SLC25A48: variants seen among roughly 807,000 people sequenced by gnomAD.
SLC25A48 encodes CTC-321K16.1.
In SLC25A48, 29 loss-of-function variants were observed where a neutral mutation model predicts 32.2. That is an observed-to-expected ratio of 0.90 (90% CI 0.67 to 1.23). The LOEUF (loss-of-function observed/expected upper bound fraction) is 1.23, where lower values mean the gene tolerates loss of function less well. Among genes scored for constraint, SLC25A48 ranks in the 50% most tolerant of loss-of-function variants. SLC25A48 has a pLI of 0.00. For missense variants in SLC25A48, 399 were observed against 422.7 expected (o/e 0.94, Z 0.49); for synonymous variants, 164 against 172.3 (o/e 0.95, Z 0.38).
At chr5:135,871,227 C>T (rs1761618867) in intron 4 of SLC25A48, among the ~76,000 whole-genome samples, 1 of 152,166 alleles carries the variant, frequency 6.6e-6, no homozygotes, top group African/African-American at 2.4e-5. Flanking sequence ...CCTAAAGTAA[C>T]TGGTGTTCTA....
rs370111948 is a variant in SLC25A48, at chr5:135,758,929, CATT to C, written c.-520-53591_-520-53589del. ...CTATAAATAATATTAAGTGTTAACA[CATT>C]ATGATATTAATAGAATATTTATGCT... On this transcript the variant is annotated intron_variant, in intron 3 of 10. Coordinates refer to the SLC25A48 transcript ENST00000646290. 6.7e-3 allele frequency among the ~76,000 whole-genome samples: 1,017 copies of C among 150,970 alleles called. 16 individuals carry two copies. The highest frequency in any genetic ancestry group is 0.024 in the African/African-American group (981 of 41,342).
At chr5:135,724,952 C>A (rs548828642) in intron 3 of SLC25A48, among the ~76,000 whole-genome samples, 1 of 152,368 alleles carries the variant, frequency 6.6e-6, no homozygotes, top group Non-Finnish European at 1.5e-5. Flanking sequence ...CCCAGCCCAG[C>A]CTTGGCTACT....
chr5:135,877,535 T>C (rs1404749714), intron 6 of SLC25A48, among the ~76,000 whole-genome samples: 1 of 152,232 alleles, frequency 6.6e-6, no homozygotes, highest in Non-Finnish European at 1.5e-5. Flanking sequence ...AAAATTCATT[T>C]ATTCATTCAT....
chr5:135,676,847 T>G (rs899705392), intron 3 of SLC25A48, among the ~76,000 whole-genome samples: 3 of 152,068 alleles, frequency 2.0e-5, no homozygotes, highest in Non-Finnish European at 4.4e-5. Context: ...TTTTAAAAAT[T>G]TGTTGAGATT....
intron 3 of SLC25A48, among the ~76,000 whole-genome samples, chr5:135,706,403 G>A (rs4527593): frequency 0.71 from 107,319 of 152,074 alleles, 38,233 homozygotes; most frequent in Middle Eastern, 0.77. Flanking sequence ...TTTTGGTAAA[G>A]CACTTTTAGC....
upstream of SLC25A48, chr5:135,579,190 G>A: frequency 1.3e-5 from 4 of 302,336 alleles, no homozygotes; most frequent in South Asian, 6.1e-5. Flanking sequence ...AGCCACGCGC[G>A]CACACGCACA....
intron 3 of SLC25A48, among the ~76,000 whole-genome samples, chr5:135,762,606 G>A (rs78389254): frequency 0.018 from 2,739 of 152,180 alleles, 66 homozygotes; most frequent in African/African-American, 0.051. Context: ...CTTGGGTCAG[G>A]GGATGTGTCC....
intron 4 of SLC25A48, chr5:135,827,223 C>T (rs955148606): frequency 2.0e-5 from 3 of 152,252 alleles, no homozygotes; most frequent in Admixed American, 6.5e-5. Context: ...TCCCGTGGCG[C>T]TGGTTTTGTG....
chr5:135,712,949 G>T (rs1279763608), intron 3 of SLC25A48, among the ~76,000 whole-genome samples: 1 of 152,180 alleles, frequency 6.6e-6, no homozygotes, highest in Non-Finnish European at 1.5e-5. Context: ...AACTTGCCCA[G>T]TCTCAGGCAC....
At chr5:135,813,031 A>C (rs1757625674) in intron 4 of SLC25A48, 1 of 152,230 alleles carries the variant, frequency 6.6e-6, no homozygotes, top group African/African-American at 2.4e-5. Context: ...GCCTGCCTTT[A>C]ATTATGAGAG....
intron 4 of SLC25A48, among the ~76,000 whole-genome samples, chr5:135,861,859 G>A (rs947794685): frequency 1.3e-5 from 2 of 152,196 alleles, no homozygotes; most frequent in South Asian, 4.1e-4. Context: ...CATTTAAAGG[G>A]AATTTCCATT....
intron 3 of SLC25A48, among the ~76,000 whole-genome samples, chr5:135,643,747 G>A (rs924333402): frequency 6.6e-6 from 1 of 152,166 alleles, no homozygotes; most frequent in African/African-American, 2.4e-5. Flanking sequence ...CAGCGACCCC[G>A]TTAACTCGCA....
chr5:135,785,281 G>A (rs1756807883), intron 3 of SLC25A48, among the ~76,000 whole-genome samples: 1 of 152,094 alleles, frequency 6.6e-6, no homozygotes, highest in Admixed American at 6.5e-5. Flanking sequence ...CATGGAACGG[G>A]GGATGGAACA....
chr5:135,592,943 A>G (rs1237226173), intron 1 of SLC25A48, among the ~76,000 whole-genome samples: 1 of 152,172 alleles, frequency 6.6e-6, no homozygotes, highest in African/African-American at 2.4e-5. Context: ...GACGCTTGGT[A>G]TAAACGTTCT....
chr5:135,863,200 G>A (rs1240503387), intron 4 of SLC25A48, among the ~76,000 whole-genome samples: 1 of 152,204 alleles, frequency 6.6e-6, no homozygotes, highest in Admixed American at 6.5e-5. Flanking sequence ...AATGAGACAA[G>A]TGGAACCCCC....
chr5:135,599,984 A>T (rs886763308), intron 1 of SLC25A48, among the ~76,000 whole-genome samples: 7 of 152,116 alleles, frequency 4.6e-5, no homozygotes, highest in African/African-American at 1.7e-4. Flanking sequence ...AAGAAAAAAA[A>T]AAACATTTGT....
chr5:135,721,562 T>C (rs1754956919), intron 3 of SLC25A48, among the ~76,000 whole-genome samples: 2 of 152,084 alleles, frequency 1.3e-5, no homozygotes, highest in African/African-American at 2.4e-5. Context: ...TTGGGACCCA[T>C]GTAAGATTCA....
At chr5:135,813,701 TCAGG>T (rs1301609564) in intron 4 of SLC25A48, among the ~76,000 whole-genome samples, 1 of 152,172 alleles carries the variant, frequency 6.6e-6, no homozygotes, top group East Asian at 1.9e-4. Context: ...CATCTGGTAG[TCAGG>T]CAGAGAGGGA....
chr5:135,776,392 T>A (rs1194103740), intron 3 of SLC25A48, among the ~76,000 whole-genome samples: 1 of 151,828 alleles, frequency 6.6e-6, no homozygotes, highest in Admixed American at 6.6e-5. Context: ...TCGTGGGGAA[T>A]GTACACACCT....
Sources: gnomAD v4.1 joint callset for allele counts (sites outside exome capture counted in the v4.1 genomes callset) on GRCh38, gnomAD v4.1.1 for gene constraint, MANE v1.5 for transcripts, NCBI Gene and HGNC (gene_info 2026-07-23, HGNC 2026-07-21) for gene names.